Variants in ESR2 observed in about 807,000 individuals in gnomAD.
ESR2 encodes the protein estrogen receptor 2.
In ESR2, 36 loss-of-function variants were observed where a neutral mutation model predicts 49.6. The ratio of observed to expected loss-of-function variants is 0.73; its 90% confidence interval spans 0.56 to 0.96. ESR2 has a LOEUF of 0.96. Among genes scored for constraint, ESR2 ranks in the 40% least tolerant of loss-of-function variants. The probability of loss-of-function intolerance (pLI) is 0.00; values close to 1 mark genes in which losing one functional copy is unlikely to be tolerated. For synonymous variants in ESR2, 320 were observed against 266.1 expected (o/e 1.20, Z -1.97); for missense variants, 714 against 693.0 (o/e 1.03, Z -0.34).
chr14:64,246,734 CAAAAAAAAA>C (rs71123836), intron 7 of ESR2, among the ~76,000 whole-genome samples: 33 of 36,448 alleles, frequency 9.1e-4, no homozygotes, highest in African/African-American at 3.3e-3. Flanking sequence ...AAGACTCTGT[CAAAAAAAAA>C]AAAAAAAAAA....
intron 1 of ESR2, among the ~76,000 whole-genome samples, chr14:64,325,677 G>A (rs1182961623): frequency 6.6e-6 from 1 of 151,970 alleles, no homozygotes; most frequent in African/African-American, 2.4e-5. Context: ...CTGCTACCCC[G>A]GAGACAGCAA....
At chr14:64,235,454 C>T (rs879821865) in intron 7 of ESR2, among the ~76,000 whole-genome samples, 2 of 152,206 alleles carry the variant, frequency 1.3e-5, no homozygotes, top group Non-Finnish European at 2.9e-5. Context: ...GAAATCATTA[C>T]GTGGTGTTTC....
intron 7 of ESR2, among the ~76,000 whole-genome samples, chr14:64,240,018 A>G (rs547680756): frequency 6.6e-6 from 1 of 152,360 alleles, no homozygotes; most frequent in South Asian, 2.1e-4. Context: ...ATTAATATAC[A>G]TACCAGAAAC....
chr14:64,242,528 T>A (rs2075755557), intron 7 of ESR2, among the ~76,000 whole-genome samples: 1 of 151,732 alleles, frequency 6.6e-6, no homozygotes, highest in Non-Finnish European at 1.5e-5. Context: ...TTTTCAAATG[T>A]TAAAGAAACC....
intron 4 of ESR2, among the ~76,000 whole-genome samples, chr14:64,262,311 C>T (rs1343898390): frequency 6.6e-6 from 1 of 151,970 alleles, no homozygotes; most frequent in Non-Finnish European, 1.5e-5. Context: ...GACAGGGTCT[C>T]ACCATGTTGC....
downstream of ESR2, chr14:64,227,999 G>C: frequency 6.5e-7 from 1 of 1,543,992 alleles, no homozygotes. Context: ...TCGATGCACT[G>C]GATACCAGGA....
At chr14:64,318,442 C>T (rs901271850) in intron 1 of ESR2, among the ~76,000 whole-genome samples, 1 of 138,248 alleles carries the variant, frequency 7.2e-6, no homozygotes, top group Non-Finnish European at 1.5e-5. Context: ...GAGGCTTAGG[C>T]AGGAGCATCC....
intron 7 of ESR2, among the ~76,000 whole-genome samples, chr14:64,241,199 GTAGGT>G (rs2075722546): frequency 6.6e-6 from 1 of 150,434 alleles, no homozygotes; most frequent in Admixed American, 6.6e-5. Context: ...ATGATGTTCA[GTAGGT>G]TAGGTGTGTT....
At chr14:64,269,856 A>T (rs1162343872) in intron 3 of ESR2, among the ~76,000 whole-genome samples, 1 of 152,198 alleles carries the variant, frequency 6.6e-6, no homozygotes, top group East Asian at 1.9e-4. Flanking sequence ...TATATTTCAA[A>T]AATTATTTCA....
In ESR2 at chr14:64,232,393, C is replaced by G. The variant is rs994651135; in HGVS notation, c.*744G>C. Reference sequence around the variant, plus strand: ...ACAACAGGTTTAAGGAAGAGCAGCTCCAGAAGCAGCGAGATTTGTATCTCC... The same window carrying G: ...ACAACAGGTTTAAGGAAGAGCAGCTGCAGAAGCAGCGAGATTTGTATCTCC... On this transcript the variant is annotated 3_prime_UTR_variant, in exon 9 of 9. Transcript: ENST00000341099. 1 of 152,300 alleles carries G rather than the reference C, an allele frequency of 6.6e-6. No individual in the cohort carries two copies. Among genetic ancestry groups the G allele is most frequent in the African/African-American group, 2.4e-5 (1 of 41,420 alleles). The allele number at this position is 152,300 out of a possible 1,614,324, so 9.4% of individuals were successfully genotyped here. A position where few individuals can be genotyped will look rare whatever the true frequency, so the allele number is the denominator to read the frequency against.
intron 4 of ESR2, among the ~76,000 whole-genome samples, chr14:64,263,711 C>A (rs573108321): frequency 1.5e-3 from 235 of 151,958 alleles, no homozygotes; most frequent in African/African-American, 5.5e-3. Context: ...AAACACAATA[C>A]AAAAAGTAAC....
In ESR2 at chr14:64,260,870, G is replaced by A. The variant is rs185659871; in HGVS notation, c.653-122C>T. On this transcript the variant is annotated intron_variant, in intron 4 of 8. Coordinates refer to ENST00000341099, the MANE Select transcript of ESR2 (RefSeq NM_001437.3). ...ACCAAAGATTACTATGGTCGTGACC[G>A]TACTAGCAAAACCAACGACATAACT... 198 of 878,896 alleles carry A rather than the reference G, an allele frequency of 2.3e-4. No homozygotes were observed. The African/African-American group carries it at 3.1e-3, about 14-fold the overall frequency. The allele number at this position is 878,896 out of a possible 1,614,324, so 54.4% of individuals were successfully genotyped here.
chr14:64,236,576 C>G (rs1479847871), intron 7 of ESR2, among the ~76,000 whole-genome samples: 1 of 152,158 alleles, frequency 6.6e-6, no homozygotes, highest in Non-Finnish European at 1.5e-5. Flanking sequence ...CTTCTCTCAT[C>G]TGCAGTTCCC....
At chr14:64,337,360 T>C (rs367927827) in intron 1 of ESR2, 24 of 152,342 alleles carry the variant, frequency 1.6e-4, no homozygotes, top group African/African-American at 5.3e-4. Flanking sequence ...AATATCTACT[T>C]GGTATTACAA....
intron 1 of ESR2, among the ~76,000 whole-genome samples, chr14:64,306,949 A>T (rs1422994607): frequency 6.6e-6 from 1 of 152,184 alleles, no homozygotes. Flanking sequence ...ATTCAATTTT[A>T]AAAAATAGAT....
chr14:64,273,334 C>T (rs1052659926), intron 3 of ESR2, among the ~76,000 whole-genome samples: 7 of 152,138 alleles, frequency 4.6e-5, no homozygotes, highest in African/African-American at 1.7e-4. Flanking sequence ...CTAGCTAGGA[C>T]TTCCAGTACT....
chr14:64,321,088 T>C (rs978957254), intron 1 of ESR2, among the ~76,000 whole-genome samples: 1 of 152,014 alleles, frequency 6.6e-6, no homozygotes, highest in Non-Finnish European at 1.5e-5. Context: ...ATCCACACAA[T>C]AGAATACCAT....
At chr14:64,259,961 T>A (rs1300206832) in intron 5 of ESR2, among the ~76,000 whole-genome samples, 1 of 152,156 alleles carries the variant, frequency 6.6e-6, no homozygotes, top group East Asian at 1.9e-4. Context: ...CGTTCCAGGT[T>A]CCAGGACTCT....
At chr14:64,332,821 G>A (rs1001978852) in intron 1 of ESR2, among the ~76,000 whole-genome samples, 2 of 148,234 alleles carry the variant, frequency 1.3e-5, no homozygotes, top group Middle Eastern at 3.6e-3. Context: ...AAAGGGTACC[G>A]TATATGATCA....
Sources: allele counts gnomAD v4.1 joint callset (sites outside exome capture counted in the v4.1 genomes callset), GRCh38; gene constraint gnomAD v4.1.1; transcripts MANE v1.5; gene names NCBI Gene and HGNC (gene_info 2026-07-23, HGNC 2026-07-21).